Variants in TBC1D32 observed in about 807,000 individuals in gnomAD.
The protein encoded by TBC1D32 is TBC1 domain family member 32, also known as protein broad-minded.
TBC1D32 carries 151 observed loss-of-function variants against 170.3 expected under a neutral mutation model. The observed-to-expected ratio is 0.89, with a 90% CI of 0.78 to 1.01. The LOEUF (loss-of-function observed/expected upper bound fraction) is 1.01. Ranked by LOEUF, TBC1D32 falls within the 50% of genes least tolerant of loss-of-function variation. TBC1D32 has a pLI of 0.00. For missense variants in TBC1D32, 1,464 were observed against 1,457.1 expected (o/e 1.00, Z -0.08); for synonymous variants, 498 against 488.0 (o/e 1.02, Z -0.27).
chr6:121,105,847 A>G (rs903119081), intron 30 of TBC1D32, among the ~76,000 whole-genome samples, 176 bp downstream of exon 30: 1 of 152,048 alleles, frequency 6.6e-6, no homozygotes, highest in Non-Finnish European at 1.5e-5. Context: ...TGTGAATGGT[A>G]GAAAGCATTA....
At chr6:121,141,924 C>G (rs1227160242) in intron 24 of TBC1D32, among the ~76,000 whole-genome samples, 1 of 152,082 alleles carries the variant, frequency 6.6e-6, no homozygotes, top group Non-Finnish European at 1.5e-5. Context: ...TAGCAAAAAG[C>G]AAATAACAAG....
intron 26 of TBC1D32, among the ~76,000 whole-genome samples, chr6:121,122,131 T>C (rs562190801): frequency 4.6e-5 from 7 of 152,094 alleles, no homozygotes; most frequent in South Asian, 4.1e-4. Flanking sequence ...GACTTCTTTC[T>C]TTCTCTCATA....
intron 1 of TBC1D32, among the ~76,000 whole-genome samples, chr6:121,328,102 G>C (rs1264947470): frequency 6.6e-6 from 1 of 152,008 alleles, no homozygotes; most frequent in East Asian, 1.9e-4. Context: ...AACATTTTCA[G>C]ATTTCACATA....
intron 10 of TBC1D32, among the ~76,000 whole-genome samples, chr6:121,298,123 G>A (rs1583630791): frequency 6.6e-6 from 1 of 152,080 alleles, no homozygotes; most frequent in South Asian, 2.1e-4. Flanking sequence ...TTTCAAAAGT[G>A]GGGCCAAGTT....
rs756652989 is a variant in TBC1D32 at position 121,090,952 on chromosome 6, A to C, written c.3555T>G (p.Gly1185=). ...CHYIATCVFL[G]PDYQVYICIA... ...TACAGATATACACTTGATAATCAGGACCAAGGAAAACACAAGTAGCAATAT... is the reference window on the plus strand; with the variant it reads ...TACAGATATACACTTGATAATCAGGCCCAAGGAAAACACAAGTAGCAATAT... Residue 1185 remains glycine, a synonymous_variant, in exon 31 of 32, where the codon GGT becomes GGG. Transcript: ENST00000398212. 3.1e-6 allele frequency: 5 copies of C among 1,613,540 alleles called. No individual in the cohort carries two copies. Among genetic ancestry groups the C allele is most frequent in the Non-Finnish European group, 4.2e-6 (5 of 1,179,828 alleles).
At chr6:121,215,859 T>C (rs1486748252) in intron 21 of TBC1D32, among the ~76,000 whole-genome samples, 4 of 152,190 alleles carry the variant, frequency 2.6e-5, no homozygotes, top group Admixed American at 1.3e-4. Context: ...TAACAGATGA[T>C]GGTGAAATTG....
intron 15 of TBC1D32, among the ~76,000 whole-genome samples, chr6:121,272,146 T>C (rs1411044563): frequency 6.6e-6 from 1 of 152,068 alleles, no homozygotes; most frequent in African/African-American, 2.4e-5. Flanking sequence ...CCTAAAACCA[T>C]AAAAACCCTA....
intron 30 of TBC1D32, among the ~76,000 whole-genome samples, chr6:121,103,104 G>C (rs1035254204): frequency 9.2e-5 from 14 of 152,020 alleles, no homozygotes; most frequent in Non-Finnish European, 1.8e-4. Flanking sequence ...GAGAGGATGT[G>C]GAGAAATAGG....
chr6:121,236,736 CA>C (rs1454288819), intron 20 of TBC1D32, among the ~76,000 whole-genome samples: 6 of 151,762 alleles, frequency 4.0e-5, no homozygotes, highest in African/African-American at 1.5e-4. Flanking sequence ...TAAATATTTC[CA>C]AGGGATTAGG....
intron 21 of TBC1D32, among the ~76,000 whole-genome samples, chr6:121,214,838 T>A (rs903361991): frequency 6.6e-6 from 1 of 152,166 alleles, no homozygotes; most frequent in African/African-American, 2.4e-5. Context: ...TTGTCCCACA[T>A]CCAGGAAGAA....
At chr6:121,247,708 A>AAAAAAAAAAAAAAAAG (rs1797793552) in intron 17 of TBC1D32, among the ~76,000 whole-genome samples, 1 of 148,970 alleles carries the variant, frequency 6.7e-6, no homozygotes, top group African/African-American at 2.5e-5. Flanking sequence ...AAAAAAAAAA[A>AAAAAAAAAAAAAAAAG]AAAAAAAAAA....
rs545717623 is a variant in TBC1D32 at position 121,321,668 on chromosome 6, T to G, written c.282A>C (p.Val94=). The G allele has an allele frequency of 9.9e-6, 16 of 1,613,916 alleles. No individual in the cohort carries two copies. The African/African-American group carries it at 2.0e-4, about 20-fold the overall frequency. ...CTTGAGTTCTTTTAGTGACCTGCTG[T>G]ACAACTGTATCATAGCCGCATTCTT... ...QGEECGYDTV[V]QQVTKRTQES... Residue 94 remains valine (V), a synonymous_variant, in exon 2 of 32, where the codon GTA becomes GTC. Transcript: ENST00000398212.
At chr6:121,103,482 G>A (rs1778361072) in intron 30 of TBC1D32, among the ~76,000 whole-genome samples, 1 of 150,646 alleles carries the variant, frequency 6.6e-6, no homozygotes, top group South Asian at 2.1e-4. Flanking sequence ...ACTATTGCAA[G>A]GACAGAAAAC....
At chr6:121,123,071 A>G (rs1211765935) in intron 26 of TBC1D32, among the ~76,000 whole-genome samples, 1 of 152,050 alleles carries the variant, frequency 6.6e-6, no homozygotes, top group African/African-American at 2.4e-5. Context: ...CCAAGTAGAG[A>G]TATCAACTAA....
chr6:121,082,862 G>T (rs953271023), intron 31 of TBC1D32, among the ~76,000 whole-genome samples: 2 of 151,702 alleles, frequency 1.3e-5, no homozygotes, highest in African/African-American at 4.8e-5. Context: ...GACACATAAG[G>T]CTATTAACGT....
In TBC1D32 at chr6:121,278,063, C is replaced by T. The variant is rs541453722; in HGVS notation, c.1733+1058G>A. 2.6e-5 allele frequency among the ~76,000 whole-genome samples: 4 copies of T among 152,144 alleles called. No individual in the cohort carries two copies. In the South Asian group the frequency reaches 6.2e-4, roughly 24 times the overall value. Reference sequence around the variant, plus strand: ...TATTTTGCCAACATTCACATAAGAGCAAGTAGGCAATCTGAATAGGCCTCT... The same window carrying T: ...TATTTTGCCAACATTCACATAAGAGTAAGTAGGCAATCTGAATAGGCCTCT... On this transcript the variant is annotated intron_variant, in intron 15 of 31. Transcript: ENST00000398212.
intron 4 of TBC1D32, among the ~76,000 whole-genome samples, chr6:121,309,156 T>G (rs546400932): frequency 6.6e-6 from 1 of 152,342 alleles, no homozygotes; most frequent in East Asian, 1.9e-4. Flanking sequence ...TTATTTGTGA[T>G]AGGCAGCAAG....
chr6:121,311,516 T>A (rs192380813), intron 3 of TBC1D32, among the ~76,000 whole-genome samples: 4 of 151,936 alleles, frequency 2.6e-5, no homozygotes, highest in Non-Finnish European at 5.9e-5. Flanking sequence ...GATCACGAGG[T>A]CAAGAGATCT....
In TBC1D32 at chr6:121,080,489, C is replaced by G; in HGVS notation, c.*282G>C. 1.9e-5 allele frequency: 5 copies of G among 267,360 alleles called. No homozygotes were observed. The South Asian group carries it at 2.4e-4, about 13-fold the overall frequency. 16.6% of individuals were successfully genotyped at this position (267,360 alleles called of 1,614,324 possible). On this transcript the variant is annotated 3_prime_UTR_variant, in exon 32 of 32. Coordinates refer to ENST00000398212, the MANE Select transcript of TBC1D32 (RefSeq NM_152730.6). ...TCAGACTCCCAAAGTGCTGGGATTA[C>G]AGGCATGAGCCACCGCGCCTGGCCA...
Sources: gnomAD v4.1 joint callset for allele counts (sites outside exome capture counted in the v4.1 genomes callset) on GRCh38, gnomAD v4.1.1 for gene constraint, MANE v1.5 for transcripts, NCBI Gene and HGNC (gene_info 2026-07-23, HGNC 2026-07-21) for gene names.